The following TTC39A variants were observed in gnomAD, a reference collection of about 807,000 sequenced individuals.
TTC39A encodes tetratricopeptide repeat protein 39A.
Under a neutral mutation model 82.3 loss-of-function variants are expected in TTC39A, and 46 were observed. That is an observed-to-expected ratio of 0.56 (90% CI 0.44 to 0.71). The LOEUF is 0.71. Among genes scored for constraint, TTC39A ranks in the 30% least tolerant of loss-of-function variants. TTC39A has a pLI of 0.00. For missense variants in TTC39A, 543 were observed against 712.9 expected (o/e 0.76, Z 2.71); for synonymous variants, 254 against 275.2 (o/e 0.92, Z 0.76).
At chr1:51,305,249 G>A (rs1378188784) in intron 7 of TTC39A, 103 bp from the exon 8 acceptor site, 2 of 1,155,258 alleles carry the variant, frequency 1.7e-6, no homozygotes, top group Non-Finnish European at 2.6e-6. Context: ...ACCTGGAGGG[G>A]AGAGGGCCAC....
intron 12 of TTC39A, chr1:51,300,399 GC>G (rs1195923018): frequency 6.6e-6 from 1 of 152,418 alleles, no homozygotes; most frequent in Non-Finnish European, 1.5e-5. Flanking sequence ...GGGACCAGAT[GC>G]AGATGACAGG....
At position 51,321,971 on chromosome 1, in the gene TTC39A, C is replaced by A; in HGVS notation, c.42-146G>T. 1 of 1,348,958 alleles carries A rather than the reference C, an allele frequency of 7.4e-7. No homozygotes were observed. Among genetic ancestry groups the A allele is most frequent in the South Asian group, 1.4e-5 (1 of 72,638 alleles). The allele number at this position is 1,348,958 out of a possible 1,614,324, so 83.6% of individuals were successfully genotyped here. ...AGCTCCTCCAGGCTGCCACTCTGTA[C>A]TGGGACGCAGGGACAATTTGGACCC... On this transcript the variant is annotated intron_variant, in intron 1 of 17. Coordinates refer to ENST00000680483, the MANE Select transcript of TTC39A (RefSeq NM_001297663.2). This position sits in a 1 kb window ranked among gnomAD's most constrained non-coding sequence, Gnocchi z 4.6.
chr1:51,338,405 C>T (rs1275846934), intron 1 of TTC39A, among the ~76,000 whole-genome samples: 1 of 151,924 alleles, frequency 6.6e-6, no homozygotes, highest in Non-Finnish European at 1.5e-5. Flanking sequence ...GCTGTTGGGG[C>T]ACAGTCAAAG....
intron 2 of TTC39A, among the ~76,000 whole-genome samples, chr1:51,319,044 G>A (rs1254547629): frequency 6.6e-6 from 1 of 152,154 alleles, no homozygotes; most frequent in Non-Finnish European, 1.5e-5. Context: ...ACATTTTAAA[G>A]AGAAATAATA....
intron 3 of TTC39A, 124 bp downstream of exon 3, chr1:51,312,688 T>G: frequency 2.1e-6 from 3 of 1,408,378 alleles, no homozygotes; most frequent in South Asian, 1.3e-5. Flanking sequence ...TCTTAGCACA[T>G]GCAGACACAA....
rs1033005393 is a variant in TTC39A, at chr1:51,312,002, C to T, written c.355+117G>A. The stretch of plus-strand genomic sequence containing the variant: ...CAGCTCTGACCCATGTGTGTCCTGG[C>T]ATGGACACCAGGGCCTGGCCCCCTA... On this transcript the variant is annotated intron_variant, in intron 4 of 17. Transcript: ENST00000680483. 3.6e-6 allele frequency: 4 copies of T among 1,115,020 alleles called. No individual in the cohort carries two copies. The African/African-American group carries it at 4.7e-5, about 13-fold the overall frequency. 69.1% of individuals were successfully genotyped at this position (1,115,020 alleles called of 1,614,324 possible).
At chr1:51,315,474 G>A (rs940399120) in intron 2 of TTC39A, among the ~76,000 whole-genome samples, 10 of 152,272 alleles carry the variant, frequency 6.6e-5, no homozygotes, top group Admixed American at 4.6e-4. Context: ...GGCCCAGACC[G>A]GCTGTCAGGA....
intron 1 of TTC39A, among the ~76,000 whole-genome samples, chr1:51,341,596 G>A (rs1646037887): frequency 6.6e-6 from 1 of 152,104 alleles, no homozygotes; most frequent in African/African-American, 2.4e-5. Context: ...ACCAGGGATT[G>A]AGGATCTGAG....
chr1:51,307,882 T>C (rs560166717), intron 6 of TTC39A, among the ~76,000 whole-genome samples: 1 of 152,338 alleles, frequency 6.6e-6, no homozygotes, highest in Admixed American at 6.5e-5. Flanking sequence ...TACATTATTA[T>C]GCAACTATCC....
At chr1:51,313,874 C>G (rs1028133637) in intron 2 of TTC39A, among the ~76,000 whole-genome samples, 16 of 152,374 alleles carry the variant, frequency 1.1e-4, no homozygotes, top group African/African-American at 3.8e-4. Context: ...AAGAAATGCT[C>G]TTCCTCTACA....
chr1:51,305,895 G>T, intron 7 of TTC39A, 82 bp downstream of exon 7: 1 of 1,375,452 alleles, frequency 7.3e-7, no homozygotes, highest in Non-Finnish European at 1.0e-6. Context: ...GGGGCACTTG[G>T]CAGTGACCAC....
At chr1:51,296,902 A>AC (rs968778882) in intron 12 of TTC39A, 3 of 153,520 alleles carry the variant, frequency 2.0e-5, no homozygotes, top group African/African-American at 7.3e-5. Context: ...CCTGCGGGAG[A>AC]CCCCCTACCC....
upstream of TTC39A, chr1:51,330,803 C>A (rs1557746921): frequency 4.8e-6 from 2 of 416,248 alleles, no homozygotes; most frequent in Non-Finnish European, 8.6e-6. The surrounding 1 kb of genome is among the most constrained non-coding windows in gnomAD (Gnocchi z 4.5). Flanking sequence ...CACGTCCCCA[C>A]CTATTTGGCG....
chr1:51,307,054 G>T (rs1045012503), intron 6 of TTC39A, among the ~76,000 whole-genome samples: 1 of 152,126 alleles, frequency 6.6e-6, no homozygotes, highest in African/African-American at 2.4e-5. Context: ...CCCTGAGGTC[G>T]GAACCACCTT....
intron 14 of TTC39A, among the ~76,000 whole-genome samples, 167 bp from the exon 15 acceptor site, chr1:51,290,792 T>C (rs1020480883): frequency 6.6e-6 from 1 of 152,110 alleles, no homozygotes; most frequent in Non-Finnish European, 1.5e-5. Flanking sequence ...TCTGAGGGGG[T>C]TATGGGAGCC....
chr1:51,318,844 C>T (rs1287970093), intron 2 of TTC39A, among the ~76,000 whole-genome samples: 2 of 152,102 alleles, frequency 1.3e-5, no homozygotes, highest in Non-Finnish European at 2.9e-5. Context: ...CAAAGCCAAC[C>T]CCACCAACTA....
chr1:51,289,017 G>C, intron 16 of TTC39A, 62 bp from the exon 17 acceptor site: 1 of 1,474,772 alleles, frequency 6.8e-7, no homozygotes, highest in South Asian at 1.2e-5. Context: ...CTGCATGTGA[G>C]GATTTCCTAA....
intron 7 of TTC39A, chr1:51,305,501 C>A: frequency 2.9e-6 from 1 of 343,258 alleles, no homozygotes. Flanking sequence ...CCTAGGGATC[C>A]TTCAGGAGCC....
intron 1 of TTC39A, among the ~76,000 whole-genome samples, chr1:51,336,842 G>A (rs930034144): frequency 6.6e-6 from 1 of 152,144 alleles, no homozygotes; most frequent in African/African-American, 2.4e-5. Context: ...CATATCTTCA[G>A]GGCAGATGAG....
Sources: allele counts gnomAD v4.1 joint callset (sites outside exome capture counted in the v4.1 genomes callset), GRCh38; gene constraint gnomAD v4.1.1; non-coding constraint Gnocchi (gnomAD v3.1); transcripts MANE v1.5; gene names NCBI Gene and HGNC (gene_info 2026-07-23, HGNC 2026-07-21).